Variants in KCNJ6 observed in about 807,000 individuals in gnomAD.
KCNJ6 encodes potassium inwardly rectifying channel subfamily J member 6, also known as G protein-activated inward rectifier potassium channel 2.
In KCNJ6, 9 loss-of-function variants were observed where a neutral mutation model predicts 34.2. The ratio of observed to expected loss-of-function variants is 0.26; its 90% CI spans 0.16 to 0.46. The LOEUF (loss-of-function observed/expected upper bound fraction) is 0.46, where lower values mean the gene tolerates loss of function less well. Ranked by LOEUF, KCNJ6 falls within the 20% of genes least tolerant of loss-of-function variation. The pLI is 1.00. For synonymous variants in KCNJ6, 196 were observed against 207.1 expected (o/e 0.95, Z 0.46); for missense variants, 236 against 531.3 (o/e 0.44, Z 5.46).
rs553975632 is a variant in KCNJ6, at chr21:37,751,424, G to A, written c.26-36293C>T. Among the ~76,000 whole-genome samples, 10 of 152,310 alleles carry A rather than the reference G, an allele frequency of 6.6e-5. No individual in the cohort carries two copies. The East Asian group carries it at 1.2e-3, about 18-fold the overall frequency. On this transcript the variant is annotated intron_variant, in intron 2 of 3. Coordinates refer to ENST00000609713, the MANE Select transcript of KCNJ6 (RefSeq NM_002240.5). ...AACACTGGGACCAGGGAGAGCAAAC[G>A]GGAGGTGGGACGCTTATTGTTATCA... is the stretch of plus-strand genomic sequence containing the variant.
chr21:37,898,313 T>C (rs575755457), intron 1 of KCNJ6, among the ~76,000 whole-genome samples: 20 of 152,218 alleles, frequency 1.3e-4, no homozygotes, highest in African/African-American at 1.9e-4. Flanking sequence ...TTGGATTTCA[T>C]TTCTTTTAAA....
At chr21:37,629,754 C>T (rs896454364) in intron 3 of KCNJ6, among the ~76,000 whole-genome samples, 2 of 152,172 alleles carry the variant, frequency 1.3e-5, no homozygotes, top group Non-Finnish European at 2.9e-5. Context: ...TGGCAGCAAA[C>T]TCAATACACT....
chr21:37,724,321 A>C (rs79296872), intron 2 of KCNJ6, among the ~76,000 whole-genome samples: 2 of 122,642 alleles, frequency 1.6e-5, no homozygotes, highest in African/African-American at 8.4e-5. Flanking sequence ...GTTGCATATT[A>C]AAAAAAAAAA....
At chr21:37,699,871 ATG>A (rs1020976482) in intron 3 of KCNJ6, among the ~76,000 whole-genome samples, 11 of 152,318 alleles carry the variant, frequency 7.2e-5, no homozygotes, top group African/African-American at 2.6e-4. Context: ...TCTTAGTAAA[ATG>A]TGTCTTTAAT....
In KCNJ6 at chr21:37,666,429, C is replaced by T. The variant is rs563446088; in HGVS notation, c.947-40945G>A. 8.7e-3 allele frequency among the ~76,000 whole-genome samples: 96 copies of T among 11,078 alleles called. 1 individual carries two copies. Among genetic ancestry groups the T allele is most frequent in the African/African-American group, 0.034 (85 of 2,522 alleles). The allele number at this position is 11,078 out of a possible 152,430, so 7.3% of individuals were successfully genotyped here. ...GACATCCAACCCCAACCCTTGCTGG[C>T]TGTGCTGTCTCAGCAAGTCACCTTG... On this transcript the variant is annotated intron_variant, in intron 3 of 3. Transcript: ENST00000609713.
rs1256145448 is a variant in KCNJ6 at position 37,714,884 on chromosome 21, G to A, written c.273C>T (p.Phe91=). The change falls in exon 3 of 4, where the codon TTC becomes TTT. Residue 91 remains phenylalanine, a synonymous_variant. Coordinates refer to ENST00000609713, the MANE Select transcript of KCNJ6 (RefSeq NM_002240.5). The surrounding 1 kb of genome is among the most constrained non-coding windows in gnomAD (Gnocchi z 5.9). ...AAACCATGACAAAAATCAATAGGTT[G>A]AATCTCCACTTCAGGTCCACTAATG... ...FTTLVDLKWR[F]NLLIFVMVYT... 3 of 1,614,130 alleles carry A rather than the reference G, an allele frequency of 1.9e-6. No homozygotes were observed. The highest frequency in any genetic ancestry group is 1.7e-6 in the Non-Finnish European group (2 of 1,180,048).
At chr21:37,851,663 G>A (rs533106703) in intron 1 of KCNJ6, among the ~76,000 whole-genome samples, 155 of 152,046 alleles carry the variant, frequency 1.0e-3, no homozygotes, top group African/African-American at 3.7e-3. Context: ...AATCTCTGTT[G>A]TTCTTTTATC....
Position 37,607,574 on chromosome 21 carries a change from C to T in KCNJ6, c.*17585G>A, listed in dbSNP as rs1436124867. ...ATTGAGCATGCTTTCGTCTCATTGT[C>T]CGTGCACAGACATACTTGGAGTTGA... On this transcript the variant is annotated 3_prime_UTR_variant, in exon 4 of 4. Transcript: ENST00000609713. 1 of 150,952 alleles carries T rather than the reference C, an allele frequency of 6.6e-6. No homozygotes were observed. Among genetic ancestry groups the T allele is most frequent in the African/African-American group, 2.4e-5 (1 of 40,988 alleles). 9.4% of individuals were successfully genotyped at this position (150,952 alleles called of 1,614,324 possible). A position where few individuals can be genotyped will look rare whatever the true frequency, so the allele number is the denominator to read the frequency against.
At chr21:37,805,868 G>A (rs1242764604) in intron 2 of KCNJ6, among the ~76,000 whole-genome samples, 4 of 152,148 alleles carry the variant, frequency 2.6e-5, no homozygotes, top group African/African-American at 2.4e-5. Flanking sequence ...ACGAGGAGTC[G>A]GAAGAGGCCA....
At chr21:37,893,914 C>T (rs768354193) in intron 1 of KCNJ6, among the ~76,000 whole-genome samples, 29 of 152,292 alleles carry the variant, frequency 1.9e-4, no homozygotes, top group Admixed American at 4.6e-4. Flanking sequence ...TAGACACAAA[C>T]GAACCCTGCT....
At position 37,617,011 on chromosome 21, in the gene KCNJ6, T is replaced by C. The variant is rs1408834040; in HGVS notation, c.*8148A>G. On this transcript the variant is annotated 3_prime_UTR_variant, in exon 4 of 4. Coordinates refer to ENST00000609713, the MANE Select transcript of KCNJ6 (RefSeq NM_002240.5). ...TCTTTCTTTCTTTCTCTTTCTTTTC[T>C]CTTTCTTTCTTTCTTTCTTTCTTTC... 7.9e-5 allele frequency: 2 copies of C among 25,360 alleles called. No individual in the cohort carries two copies. The highest frequency in any genetic ancestry group is 1.4e-4 in the African/African-American group (1 of 7,006). The allele number at this position is 25,360 out of a possible 1,614,324, so 1.6% of individuals were successfully genotyped here. A position where few individuals can be genotyped will look rare whatever the true frequency, so the allele number is the denominator to read the frequency against.
rs2054302336 is a variant in KCNJ6 at position 37,624,567 on chromosome 21, G to A, written c.*592C>T. 6.6e-6 allele frequency: 1 copy of A among 152,494 alleles called. No individual in the cohort carries two copies. Among genetic ancestry groups the A allele is most frequent in the Non-Finnish European group, 1.5e-5 (1 of 68,518 alleles). 9.4% of individuals were successfully genotyped at this position (152,494 alleles called of 1,614,324 possible). A position where few individuals can be genotyped will look rare whatever the true frequency, so the allele number is the denominator to read the frequency against. On this transcript the variant is annotated 3_prime_UTR_variant, in exon 4 of 4. Transcript: ENST00000609713. ...CAGTATTTAGCAGTTCTGTTCTATG[G>A]TACTTTTGTACATGCTGGGTTTTAT...
intron 3 of KCNJ6, among the ~76,000 whole-genome samples, chr21:37,655,217 GTGTGTGTGAGAGAGAGAGAGAGAGA>G (rs2054455005): frequency 4.3e-5 from 4 of 93,412 alleles, no homozygotes; most frequent in African/African-American, 1.5e-4. Context: ...GTGTGTGTGT[GTGTGTGTGAGAGAGAGAGAGAGAGA>G]GAGAGAGAGA....
intron 2 of KCNJ6, among the ~76,000 whole-genome samples, chr21:37,775,400 G>A (rs2055137356): frequency 6.6e-6 from 1 of 152,164 alleles, no homozygotes; most frequent in Admixed American, 6.5e-5. Flanking sequence ...ATTGCTTTTG[G>A]TGTTTTAGAC....
chr21:37,730,012 TC>T (rs2054876157), intron 2 of KCNJ6, among the ~76,000 whole-genome samples: 1 of 152,204 alleles, frequency 6.6e-6, no homozygotes, highest in African/African-American at 2.4e-5. Context: ...GACCTTGGGA[TC>T]CTAGGCTGTC....
intron 1 of KCNJ6, among the ~76,000 whole-genome samples, chr21:37,910,208 A>G (rs2055860670): frequency 6.6e-6 from 1 of 152,154 alleles, no homozygotes; most frequent in South Asian, 2.1e-4. Context: ...GGTTGCTGTT[A>G]CTGCCCCAAA....
At chr21:37,860,234 G>T (rs2123601254) in intron 1 of KCNJ6, among the ~76,000 whole-genome samples, 2 of 152,160 alleles carry the variant, frequency 1.3e-5, no homozygotes, top group Middle Eastern at 6.8e-3. Context: ...GCCCTTAATT[G>T]TTCTCCAATT....
chr21:37,773,771 A>G (rs73206048), intron 2 of KCNJ6, among the ~76,000 whole-genome samples: 4,587 of 152,160 alleles, frequency 0.03, 101 homozygotes, highest in Non-Finnish European at 0.042. Context: ...TAGTCCTAGG[A>G]TTACTGTTAT....
chr21:37,750,286 G>A (rs976900838), intron 2 of KCNJ6, among the ~76,000 whole-genome samples: 5 of 152,216 alleles, frequency 3.3e-5, no homozygotes, highest in Non-Finnish European at 7.3e-5. Context: ...TGGTGGCAGT[G>A]TAAATTAGTT....
Sources: gnomAD v4.1 joint callset for allele counts (sites outside exome capture counted in the v4.1 genomes callset) on GRCh38, gnomAD v4.1.1 for gene constraint, Gnocchi (gnomAD v3.1) non-coding constraint, MANE v1.5 for transcripts, NCBI Gene and HGNC (gene_info 2026-07-23, HGNC 2026-07-21) for gene names.